The following GRTP1 variants were observed in gnomAD, a reference collection of about 807,000 sequenced individuals.
GRTP1 encodes growth hormone-regulated TBC protein 1.
A neutral mutation model predicts 38.1 loss-of-function variants in GRTP1; 56 were observed. The ratio of observed to expected loss-of-function variants is 1.47; its 90% confidence interval spans 1.19 to 1.84. The LOEUF (loss-of-function observed/expected upper bound fraction) is 1.84, where lower values mean the gene tolerates loss of function less well. Ranked by LOEUF, GRTP1 falls within the 40% of genes most tolerant of loss-of-function variation. The pLI, the probability that GRTP1 is intolerant of heterozygous loss-of-function variation, is 0.00. For missense variants in GRTP1, 506 were observed against 453.9 expected (o/e 1.11, Z -1.04); for synonymous variants, 217 against 189.5 (o/e 1.14, Z -1.19).
At position 113,346,637 on chromosome 13, in the gene GRTP1, G is replaced by C. The variant is rs868055783; in HGVS notation, c.466-1678C>G. Among the ~76,000 whole-genome samples the C allele has an allele frequency of 2.3e-3, 8 of 3,470 alleles. 1 individual carries two copies. Among genetic ancestry groups the C allele is most frequent in the African/African-American group, 2.5e-3 (8 of 3,170 alleles). The allele number at this position is 3,470 out of a possible 152,430, so 2.3% of individuals were successfully genotyped here. A position where few individuals can be genotyped will look rare whatever the true frequency, so the allele number is the denominator to read the frequency against. ...CAGTGGACCCGGGAGGACCTCTGTG[G>C]CTGAGAGCGGACCTGGGAGGACCTC... On this transcript the variant is annotated intron_variant, in intron 4 of 7. Transcript: ENST00000375431.
rs1188523062 is a variant in GRTP1 at position 113,342,844 on chromosome 13, CA to C, written c.562+2018del. On this transcript the variant is annotated intron_variant, in intron 5 of 7. Coordinates refer to ENST00000375431, the MANE Select transcript of GRTP1 (RefSeq NM_024719.4). This position sits in a 1 kb window ranked among gnomAD's most constrained non-coding sequence, Gnocchi z 4.5. ...TTCTTTTTGAATCCAGACCTATTTG[CA>C]TTGCAGTTTCGTTCAACTTAATCTC... 6.6e-6 allele frequency among the ~76,000 whole-genome samples: 1 copy of C among 152,146 alleles called. No individual in the cohort carries two copies. Among genetic ancestry groups the C allele is most frequent in the Non-Finnish European group, 1.5e-5 (1 of 68,028 alleles).
At chr13:113,341,035 A>G (rs185861749) in intron 5 of GRTP1, among the ~76,000 whole-genome samples, 1 of 149,984 alleles carries the variant, frequency 6.7e-6, no homozygotes, top group African/African-American at 2.5e-5. Context: ...CATTTCTACT[A>G]TATCTTATCC....
chr13:113,347,767 C>T (rs1189192327), intron 4 of GRTP1, among the ~76,000 whole-genome samples: 3 of 126,414 alleles, frequency 2.4e-5, no homozygotes, highest in African/African-American at 6.1e-5. Flanking sequence ...CCTCTGAAGC[C>T]GAGAGCAGAC....
chr13:113,331,427 CAGG>C (rs1248350735), intron 5 of GRTP1, among the ~76,000 whole-genome samples: 1 of 152,064 alleles, frequency 6.6e-6, no homozygotes, highest in Non-Finnish European at 1.5e-5. Context: ...GGAGGCGGCC[CAGG>C]AGGAGATGCC....
chr13:113,354,231 G>A (rs1009178234), intron 3 of GRTP1, among the ~76,000 whole-genome samples: 3 of 152,134 alleles, frequency 2.0e-5, no homozygotes, highest in African/African-American at 7.2e-5. Flanking sequence ...GCTGTGCACT[G>A]GAGACCTTTG....
chr13:113,339,293 T>C (rs1428235779), intron 5 of GRTP1, among the ~76,000 whole-genome samples: 1 of 152,208 alleles, frequency 6.6e-6, no homozygotes, highest in Non-Finnish European at 1.5e-5. Context: ...AGATACTTTC[T>C]CAAACCAGCA....
chr13:113,325,962 G>A lies in GRTP1; in HGVS notation c.692C>T (p.Ser231Phe). 1 of 1,613,850 alleles carries A rather than the reference G, an allele frequency of 6.2e-7. No homozygotes were observed. The highest frequency in any genetic ancestry group is 8.5e-7 in the Non-Finnish European group (1 of 1,179,944). The change falls in exon 6 of 8, where the codon TCC becomes TTC. Residue 231 changes from serine (S) to phenylalanine (F), a missense_variant. Transcript: ENST00000375431. ...RLGVLWTLLV[S>F]RWFICLFVDI... ...CACAAACAGGCAGATGAACCAGCGG[G>A]ACACCAGCAGCGTCCACAGCACACC... is the stretch of plus-strand genomic sequence containing the variant.
intron 5 of GRTP1, among the ~76,000 whole-genome samples, chr13:113,330,248 G>A (rs1336045283): frequency 6.9e-5 from 10 of 145,152 alleles, no homozygotes; most frequent in South Asian, 2.2e-4. Context: ...TGTGTGCATG[G>A]AAACCCAGGT....
rs2043050481 is a variant in GRTP1 at position 113,343,260 on chromosome 13, T to G, written c.562+1603A>C. The stretch of plus-strand genomic sequence containing the variant: ...CCTCTAATTTCACCATTCCACCTGG[T>G]CCAGGTGTTCACCGAACTGAGCTGA... On this transcript the variant is annotated intron_variant, in intron 5 of 7. Transcript: ENST00000375431. The surrounding 1 kb of genome is among the most constrained non-coding windows in gnomAD (Gnocchi z 4.8). Among the ~76,000 whole-genome samples the G allele has an allele frequency of 6.6e-6, 1 of 152,126 alleles. No homozygotes were observed. Among genetic ancestry groups the G allele is most frequent in the Non-Finnish European group, 1.5e-5 (1 of 68,026 alleles).
intron 3 of GRTP1, among the ~76,000 whole-genome samples, chr13:113,351,268 C>T (rs1021951570): frequency 2.6e-5 from 4 of 152,180 alleles, no homozygotes; most frequent in Admixed American, 6.5e-5. Context: ...CCTCAATGCC[C>T]GTCTCCTCCC....
rs1365165599 is a variant in GRTP1, at chr13:113,355,371, G to A, written c.292C>T (p.Leu98Phe). 1 of 1,614,142 alleles carries A rather than the reference G, an allele frequency of 6.2e-7. No homozygotes were observed. The highest frequency in any genetic ancestry group is 1.7e-5 in the Admixed American group (1 of 60,032). ...CTGGGGTTTCTCTCTCCCTGGAGAA[G>A]CTGGTGGTAGTAGCCGGGATTCTGG... The part of the protein sequence containing the change: ...MDQNPGYYHQ[L>F]LQGERNPRLE... The change falls in exon 3 of 8, where the codon CTT becomes TTT. Residue 98 changes from leucine to phenylalanine, a missense_variant. Physicochemically the swap from Leu to Phe is conservative, Grantham distance 22. Transcript: ENST00000375431.
chr13:113,334,892 G>A (rs375178674), intron 5 of GRTP1, among the ~76,000 whole-genome samples: 2 of 152,062 alleles, frequency 1.3e-5, no homozygotes, highest in Admixed American at 6.6e-5. Context: ...GCGCGATCTC[G>A]GCTCACTGCA....
intron 3 of GRTP1, among the ~76,000 whole-genome samples, chr13:113,354,641 G>A (rs1257191092): frequency 1.3e-5 from 2 of 151,516 alleles, no homozygotes; most frequent in African/African-American, 4.9e-5. Flanking sequence ...CGATTCTCCT[G>A]CCTCAGCCTC....
intron 5 of GRTP1, 146 bp from the exon 6 acceptor site, chr13:113,326,237 G>A (rs993801006): frequency 1.0e-6 from 1 of 961,962 alleles, no homozygotes; most frequent in Non-Finnish European, 1.5e-6. Context: ...GGAAGAGTCG[G>A]GGTGAGGCCT....
chr13:113,344,677 C>T (rs952814734), intron 5 of GRTP1, among the ~76,000 whole-genome samples, 186 bp downstream of exon 5: 2 of 129,512 alleles, frequency 1.5e-5, no homozygotes, highest in Non-Finnish European at 1.5e-5. Context: ...CACACCACTG[C>T]ACTCCAGCCT....
At chr13:113,341,403 A>G (rs930364295) in intron 5 of GRTP1, among the ~76,000 whole-genome samples, 2 of 152,140 alleles carry the variant, frequency 1.3e-5, no homozygotes, top group South Asian at 2.1e-4. Context: ...AGTAGCTGGG[A>G]CTACAGGCAC....
chr13:113,349,962 G>A lies in GRTP1; in HGVS notation c.465+887C>T, dbSNP rs2043230653. Reference sequence around the variant, plus strand: ...GCCACAACCCCTAGGAGCCCGTGAAGCACATGGCCTAAAATGCCAGGAACG... The same window carrying A: ...GCCACAACCCCTAGGAGCCCGTGAAACACATGGCCTAAAATGCCAGGAACG... On this transcript the variant is annotated intron_variant, in intron 4 of 7. Transcript: ENST00000375431. The surrounding 1 kb of genome is among the most constrained non-coding windows in gnomAD (Gnocchi z 5.0). Among the ~76,000 whole-genome samples the A allele has an allele frequency of 6.6e-6, 1 of 152,158 alleles. No individual in the cohort carries two copies. Among genetic ancestry groups the A allele is most frequent in the Admixed American group, 6.5e-5 (1 of 15,280 alleles).
chr13:113,325,741 T>A lies in GRTP1; in HGVS notation c.841A>T (p.Thr281Ser). 2 of 1,614,194 alleles carry A rather than the reference T, an allele frequency of 1.2e-6. No homozygotes were observed. The highest frequency in any genetic ancestry group is 1.7e-6 in the Non-Finnish European group (2 of 1,180,022). The change falls in exon 7 of 8, where the codon ACC becomes TCC. Residue 281 changes from threonine (T) to serine (S), a missense_variant. Coordinates refer to ENST00000375431, the MANE Select transcript of GRTP1 (RefSeq NM_024719.4). ...KQHQELILEA[T>S]SVPDICDKFK... ...TTATCGCAAATGTCTGGAACGCTGG[T>A]GGCTTCCAAAATCAACTCCTGGTGC...
intron 5 of GRTP1, among the ~76,000 whole-genome samples, chr13:113,335,013 G>A (rs1164244584): frequency 3.3e-5 from 5 of 151,850 alleles, no homozygotes; most frequent in South Asian, 2.1e-4. Flanking sequence ...TAGTAGACAC[G>A]GGGTTTCACT....
Sources: allele counts gnomAD v4.1 joint callset (sites outside exome capture counted in the v4.1 genomes callset), GRCh38; gene constraint gnomAD v4.1.1; non-coding constraint Gnocchi (gnomAD v3.1); transcripts MANE v1.5; gene names NCBI Gene and HGNC (gene_info 2026-07-23, HGNC 2026-07-21).